The following VAPB variants were observed in gnomAD, a reference collection of about 807,000 sequenced individuals.
VAPB encodes VAMP associated protein B and C, also known as vesicle-associated membrane protein-associated protein B/C.
Under a neutral mutation model 25.6 loss-of-function variants are expected in VAPB, and 7 were observed. That is an observed-to-expected ratio of 0.27 (90% CI 0.16 to 0.51). VAPB has a LOEUF of 0.51. Ranked by LOEUF, VAPB falls within the 20% of genes least tolerant of loss-of-function variation. The pLI, the probability that VAPB is intolerant of heterozygous loss-of-function variation, is 0.97. For missense variants in VAPB, 266 were observed against 301.3 expected, an observed-to-expected ratio of 0.88 and a Z score of 0.87; for synonymous variants, 112 against 109.2, an observed-to-expected ratio of 1.03 and a Z score of -0.16.
At chr20:58,414,097 CCCGGACGGGGCGG>C (rs1988457932) in intron 1 of VAPB, among the ~76,000 whole-genome samples, 1 of 104,674 alleles carries the variant, frequency 9.6e-6, no homozygotes, top group Non-Finnish European at 2.1e-5. Context: ...CCCCTCACCT[CCCGGACGGGGCGG>C]CTGGCCGGGC....
chr20:58,401,469 C>G (rs537394677), intron 1 of VAPB, among the ~76,000 whole-genome samples: 163 of 152,286 alleles, frequency 1.1e-3, no homozygotes, highest in African/African-American at 3.7e-3. Context: ...ACTACATCTC[C>G]CATTGCATGT....
At chr20:58,411,317 T>A (rs1413274949) in intron 1 of VAPB, among the ~76,000 whole-genome samples, 1 of 152,272 alleles carries the variant, frequency 6.6e-6, no homozygotes, top group Non-Finnish European at 1.5e-5. Flanking sequence ...AGTCTTACTC[T>A]GTCGCCCAGG....
intron 1 of VAPB, among the ~76,000 whole-genome samples, chr20:58,396,243 G>A (rs1777216307): frequency 6.6e-6 from 1 of 152,194 alleles, no homozygotes; most frequent in Admixed American, 6.5e-5. Flanking sequence ...TTTCACCTGT[G>A]TCAAGTGATG....
chr20:58,406,600 T>C (rs1333478397), intron 1 of VAPB, among the ~76,000 whole-genome samples: 1 of 152,242 alleles, frequency 6.6e-6, no homozygotes, highest in African/African-American at 2.4e-5. Context: ...TCTTCTCCCC[T>C]GTTCTGTATC....
intron 2 of VAPB, among the ~76,000 whole-genome samples, chr20:58,427,049 C>A (rs1272155396): frequency 1.3e-5 from 2 of 149,728 alleles, no homozygotes; most frequent in East Asian, 2.0e-4. Context: ...TGATCTGTTA[C>A]CATTATGATG....
intron 2 of VAPB, among the ~76,000 whole-genome samples, chr20:58,422,242 G>C (rs541336170): frequency 2.8e-4 from 42 of 152,258 alleles, no homozygotes; most frequent in African/African-American, 1.0e-3. Flanking sequence ...TGGTAGATAG[G>C]GGGTGCAGGG....
chr20:58,442,665 C>T (rs1050516312), intron 5 of VAPB, among the ~76,000 whole-genome samples: 2 of 152,108 alleles, frequency 1.3e-5, no homozygotes, highest in Admixed American at 6.5e-5. Flanking sequence ...TAATATGTGC[C>T]CGGCACTGTG....
chr20:58,445,684 CTGTGTGTGTG>C lies in VAPB; in HGVS notation c.*1477_*1486del, dbSNP rs138225455. 110 of 432,702 alleles carry C rather than the reference CTGTGTGTGTG, an allele frequency of 2.5e-4. No individual in the cohort carries two copies. The Middle Eastern group carries it at 2.9e-3, about 11-fold the overall frequency. The allele number at this position is 432,702 out of a possible 1,614,324, so 26.8% of individuals were successfully genotyped here. ...GAAATACGTGTTTCATGATTTAACT[CTGTGTGTGTG>C]TGTGTGTGTGTGTGTGTGTGTGTGT... On this transcript the variant is annotated 3_prime_UTR_variant, in exon 6 of 6. Transcript: ENST00000475243.
chr20:58,405,555 C>T (rs758616833), intron 1 of VAPB, among the ~76,000 whole-genome samples: 11 of 151,502 alleles, frequency 7.3e-5, no homozygotes, highest in Admixed American at 2.6e-4. Context: ...CTCTGTCTCC[C>T]GGGTTCAAGC....
Position 58,444,670 on chromosome 20 carries a change from A to T in VAPB, c.*435A>T, listed in dbSNP as rs1386236345. On this transcript the variant is annotated 3_prime_UTR_variant, in exon 6 of 6. Coordinates refer to ENST00000475243, the MANE Select transcript of VAPB (RefSeq NM_004738.5). ...CGGTCAGCTCCACACAGTAGTCCCC[A>T]CGTGGCCCACTCCCGGCCCAGGCTG... 1 of 454,468 alleles carries T rather than the reference A, an allele frequency of 2.2e-6. No individual in the cohort carries two copies. The highest frequency in any genetic ancestry group is 4.4e-6 in the Non-Finnish European group (1 of 226,998). The allele number at this position is 454,468 out of a possible 1,614,324, so 28.2% of individuals were successfully genotyped here. A position where few individuals can be genotyped will look rare whatever the true frequency, so the allele number is the denominator to read the frequency against.
intron 1 of VAPB, among the ~76,000 whole-genome samples, chr20:58,399,609 C>T (rs562539169): frequency 3.8e-4 from 58 of 150,742 alleles, no homozygotes; most frequent in African/African-American, 1.0e-3. Context: ...CCAGCTAATC[C>T]GGAGGCTGAG....
At chr20:58,398,617 C>T (rs1988020265) in intron 1 of VAPB, among the ~76,000 whole-genome samples, 1 of 152,140 alleles carries the variant, frequency 6.6e-6, no homozygotes, top group East Asian at 1.9e-4. Flanking sequence ...TTAGAAAAAG[C>T]TGTGTTAATT....
intron 2 of VAPB, among the ~76,000 whole-genome samples, chr20:58,427,883 G>A (rs371981421): frequency 8.9e-5 from 13 of 146,514 alleles, no homozygotes; most frequent in Non-Finnish European, 1.2e-4. Flanking sequence ...TGATGCAGGC[G>A]AAAGTGATCT....
At chr20:58,429,461 A>G (rs1204577881) in intron 2 of VAPB, among the ~76,000 whole-genome samples, 3 of 152,154 alleles carry the variant, frequency 2.0e-5, no homozygotes, top group Non-Finnish European at 4.4e-5. Flanking sequence ...TGGTCCTTCC[A>G]TGTCTACACT....
At position 58,427,103 on chromosome 20, in the gene VAPB, G is replaced by A. The variant is rs375892374; in HGVS notation, c.212-7499G>A. 1.2e-4 allele frequency among the ~76,000 whole-genome samples: 18 copies of A among 150,610 alleles called. No individual in the cohort carries two copies. In the East Asian group the frequency reaches 2.2e-3, roughly 18 times the overall value. ...GATCTGTTACCGTTATGATGCAGGC[G>A]AAAGTGATCTGTGATCTGTTACCAT... is the stretch of plus-strand genomic sequence containing the variant. On this transcript the variant is annotated intron_variant, in intron 2 of 5. Transcript: ENST00000475243.
chr20:58,418,389 AG>A (rs1211972185), intron 2 of VAPB, 26 bp downstream of exon 2: 6 of 1,612,874 alleles, frequency 3.7e-6, no homozygotes, highest in Non-Finnish European at 5.1e-6. Context: ...GGAGGCCTAG[AG>A]GGTGGGCTCA....
intron 1 of VAPB, among the ~76,000 whole-genome samples, chr20:58,394,960 G>T (rs1354230815): frequency 6.6e-6 from 1 of 152,158 alleles, no homozygotes; most frequent in East Asian, 1.9e-4. Context: ...AAAATTGTAT[G>T]CATGTTTCCT....
chr20:58,407,118 G>T (rs1231779855), intron 1 of VAPB, among the ~76,000 whole-genome samples: 1 of 152,160 alleles, frequency 6.6e-6, no homozygotes, highest in Non-Finnish European at 1.5e-5. Context: ...TAGATAGAAT[G>T]TATGAAGCCT....
At position 58,448,475 on chromosome 20, in the gene VAPB, G is replaced by C. The variant is rs554043472; in HGVS notation, c.*4240G>C. On this transcript the variant is annotated 3_prime_UTR_variant, in exon 6 of 6. Coordinates refer to ENST00000475243, the MANE Select transcript of VAPB (RefSeq NM_004738.5). ...ACTTAATCCTTGCAACTGTGACTGGGGGGTAGATGGCTCTGTTTGCATACG... is the reference window on the plus strand; with the variant it reads ...ACTTAATCCTTGCAACTGTGACTGGCGGGTAGATGGCTCTGTTTGCATACG... 4.8e-5 allele frequency: 22 copies of C among 454,076 alleles called. 1 individual carries two copies. The highest frequency in any genetic ancestry group is 2.9e-4 in the South Asian group (19 of 64,470). The allele number at this position is 454,076 out of a possible 1,614,324, so 28.1% of individuals were successfully genotyped here. A position where few individuals can be genotyped will look rare whatever the true frequency, so the allele number is the denominator to read the frequency against.
Sources: allele counts gnomAD v4.1 joint callset (sites outside exome capture counted in the v4.1 genomes callset), GRCh38; gene constraint gnomAD v4.1.1; transcripts MANE v1.5; gene names NCBI Gene and HGNC (gene_info 2026-07-23, HGNC 2026-07-21).